Variants in TMEM178B observed in about 807,000 individuals in gnomAD.
TMEM178B encodes transmembrane protein 178B.
TMEM178B carries 5 observed loss-of-function variants against 31.0 expected under a neutral mutation model. The observed-to-expected ratio is 0.16, with a 90% CI of 0.08 to 0.34. The LOEUF (loss-of-function observed/expected upper bound fraction) is 0.34, where lower values mean the gene tolerates loss of function less well. TMEM178B is among the 10% of genes least tolerant of loss of function. The probability of loss-of-function intolerance (pLI) is 1.00; values close to 1 mark genes in which losing one functional copy is unlikely to be tolerated. For missense variants in TMEM178B, 275 were observed against 400.3 expected, an observed-to-expected ratio of 0.69 and a Z score of 2.67; for synonymous variants, 164 against 164.0, an observed-to-expected ratio of 1.00 and a Z score of 0.00.
chr7:141,273,417 CAATT>C (rs1311557106), intron 2 of TMEM178B, among the ~76,000 whole-genome samples: 1 of 152,086 alleles, frequency 6.6e-6, no homozygotes, highest in Admixed American at 6.6e-5. Context: ...CTTTATTCAT[CAATT>C]AAATATTTAA....
chr7:141,090,086 C>G (rs1351892626), intron 1 of TMEM178B, among the ~76,000 whole-genome samples: 1 of 152,142 alleles, frequency 6.6e-6, no homozygotes, highest in South Asian at 2.1e-4. Flanking sequence ...CAGACTCTTC[C>G]TCTCATCAGC....
chr7:141,178,811 T>C (rs1796473127), intron 1 of TMEM178B, among the ~76,000 whole-genome samples: 1 of 152,162 alleles, frequency 6.6e-6, no homozygotes, highest in Non-Finnish European at 1.5e-5. Context: ...TAGCAGTAGT[T>C]CTTTCTGGTT....
chr7:141,185,300 A>G (rs139532987), intron 1 of TMEM178B, among the ~76,000 whole-genome samples: 1 of 152,280 alleles, frequency 6.6e-6, no homozygotes, highest in East Asian at 1.9e-4. Context: ...GCCTTGGTGT[A>G]CTGGAAGAAT....
chr7:141,170,746 G>A (rs953056300), intron 1 of TMEM178B, among the ~76,000 whole-genome samples: 14 of 152,124 alleles, frequency 9.2e-5, no homozygotes, highest in Admixed American at 4.6e-4. Flanking sequence ...AGACATAGCC[G>A]CTAACAGGGA....
the TMEM178B span, among the ~76,000 whole-genome samples, chr7:141,507,997 T>A: frequency 6.6e-6 from 1 of 152,248 alleles, no homozygotes; most frequent in African/African-American, 2.4e-5. Context: ...CTTATGCAAA[T>A]TTCTGCAGCC....
intron 3 of TMEM178B, among the ~76,000 whole-genome samples, chr7:141,453,700 T>C (rs1801907791): frequency 6.6e-6 from 1 of 152,236 alleles, no homozygotes; most frequent in South Asian, 2.1e-4. Flanking sequence ...GAAGCAGGAA[T>C]GCCCCGTTCT....
chr7:141,441,178 C>G lies in TMEM178B; in HGVS notation c.634+3433C>G, dbSNP rs879868305. 5.3e-5 allele frequency among the ~76,000 whole-genome samples: 8 copies of G among 152,298 alleles called. No homozygotes were observed. In the South Asian group the frequency reaches 8.3e-4, roughly 16 times the overall value. On this transcript the variant is annotated intron_variant, in intron 3 of 3. Transcript: ENST00000565468. ...ACTAGAACAGAAGCTGCACTTCCCG[C>G]CTCTTTGCTCAGCAGATAGAGCAAA... is the stretch of plus-strand genomic sequence containing the variant.
chr7:141,454,216 C>T (rs1207032929), intron 3 of TMEM178B, among the ~76,000 whole-genome samples: 2 of 152,252 alleles, frequency 1.3e-5, no homozygotes, highest in East Asian at 3.9e-4. Context: ...TTTTATAGCC[C>T]CTGAGTTAGC....
intron 3 of TMEM178B, among the ~76,000 whole-genome samples, chr7:141,449,436 A>G (rs1360024307): frequency 6.6e-6 from 1 of 152,094 alleles, no homozygotes; most frequent in East Asian, 1.9e-4. Context: ...GCCTGACCCA[A>G]GGAAGGGGGG....
intron 2 of TMEM178B, among the ~76,000 whole-genome samples, chr7:141,249,882 A>G (rs963989922): frequency 1.3e-5 from 2 of 152,228 alleles, no homozygotes; most frequent in Admixed American, 6.5e-5. Flanking sequence ...TTTATCTAAT[A>G]TCATTCTAAT....
intron 1 of TMEM178B, among the ~76,000 whole-genome samples, chr7:141,179,287 C>G (rs536248116): frequency 6.6e-6 from 1 of 152,180 alleles, no homozygotes; most frequent in Non-Finnish European, 1.5e-5. Flanking sequence ...AAAGTTAATG[C>G]CTGATTTGAA....
intron 3 of TMEM178B, among the ~76,000 whole-genome samples, chr7:141,465,001 T>C (rs1802125755): frequency 6.6e-6 from 1 of 152,204 alleles, no homozygotes; most frequent in Non-Finnish European, 1.5e-5. Context: ...CAAACCCCAA[T>C]TCATAGTGGG....
intron 1 of TMEM178B, among the ~76,000 whole-genome samples, chr7:141,159,079 C>G (rs1860751): frequency 0.97 from 148,224 of 152,204 alleles, 72,212 homozygotes; most frequent in East Asian, 1. Context: ...AGGGACTCAG[C>G]CATCTTCAGC....
At chr7:141,135,174 G>A (rs1445287796) in intron 1 of TMEM178B, among the ~76,000 whole-genome samples, 1 of 152,160 alleles carries the variant, frequency 6.6e-6, no homozygotes, top group Non-Finnish European at 1.5e-5. Flanking sequence ...TCAGCAAGAA[G>A]ATATAACGAT....
intron 2 of TMEM178B, among the ~76,000 whole-genome samples, chr7:141,380,202 A>C (rs1485322967): frequency 6.6e-6 from 1 of 152,212 alleles, no homozygotes; most frequent in African/African-American, 2.4e-5. Flanking sequence ...TCACTAGCCT[A>C]GAACTGATTG....
chr7:141,328,831 G>A (rs1457931662), intron 2 of TMEM178B, among the ~76,000 whole-genome samples: 1 of 152,182 alleles, frequency 6.6e-6, no homozygotes, highest in Non-Finnish European at 1.5e-5. Context: ...TTTGAAAACA[G>A]CTAGTATAAG....
chr7:141,175,934 T>C (rs2129183310), intron 1 of TMEM178B, among the ~76,000 whole-genome samples: 1 of 152,352 alleles, frequency 6.6e-6, no homozygotes. Context: ...CTTTTCCTAC[T>C]TGAATACACT....
intron 2 of TMEM178B, among the ~76,000 whole-genome samples, chr7:141,309,898 T>C (rs552234655): frequency 1.3e-4 from 20 of 152,206 alleles, no homozygotes; most frequent in African/African-American, 4.8e-4. Flanking sequence ...AAATGTCCAA[T>C]TTAACCCCTT....
At chr7:141,260,072 C>A (rs1797988065) in intron 2 of TMEM178B, among the ~76,000 whole-genome samples, 2 of 152,036 alleles carry the variant, frequency 1.3e-5, no homozygotes, top group Admixed American at 6.6e-5. Context: ...TTTTCTGGAT[C>A]TCTTTGTTGT....
Sources: gnomAD v4.1 joint callset for allele counts (sites outside exome capture counted in the v4.1 genomes callset) on GRCh38, gnomAD v4.1.1 for gene constraint, MANE v1.5 for transcripts, NCBI Gene and HGNC (gene_info 2026-07-23, HGNC 2026-07-21) for gene names.